COL20A1: variants seen among roughly 807,000 people sequenced by gnomAD.
COL20A1 encodes collagen type XX alpha 1 chain, also known as collagen alpha-1(XX) chain.
In COL20A1, 164 loss-of-function variants were observed where a neutral mutation model predicts 152.9. That is an observed-to-expected ratio of 1.07 (90% CI 0.94 to 1.22). The LOEUF (loss-of-function observed/expected upper bound fraction) is 1.22. Ranked by LOEUF, COL20A1 falls within the 50% of genes most tolerant of loss-of-function variation. The probability of loss-of-function intolerance (pLI) is 0.00; values close to 1 mark genes in which losing one functional copy is unlikely to be tolerated. For missense variants in COL20A1, 1,873 were observed against 1,744.8 expected (o/e 1.07, Z -1.31); for synonymous variants, 864 against 756.0 (o/e 1.14, Z -2.34).
chr20:63,331,651 T>C lies in COL20A1; in HGVS notation c.*935T>C, dbSNP rs1210793418. 3.9e-5 allele frequency: 6 copies of C among 152,078 alleles called. No individual in the cohort carries two copies. The highest frequency in any genetic ancestry group is 9.7e-5 in the African/African-American group (4 of 41,406). 9.4% of individuals were successfully genotyped at this position (152,078 alleles called of 1,614,324 possible). Reference sequence around the variant, plus strand: ...CTGGGCTTCTGGGCCTTGTGGCCCGTGGGGGTGATGTGGGAACTTCTACTT... The same window carrying C: ...CTGGGCTTCTGGGCCTTGTGGCCCGCGGGGGTGATGTGGGAACTTCTACTT... On this transcript the variant is annotated 3_prime_UTR_variant, in exon 36 of 36. Coordinates refer to ENST00000358894, the MANE Select transcript of COL20A1 (RefSeq NM_020882.4).
chr20:63,305,368 C>G lies in COL20A1; in HGVS notation c.194-49C>G. 2 of 1,390,034 alleles carry G rather than the reference C, an allele frequency of 1.4e-6. No homozygotes were observed. Among genetic ancestry groups the G allele is most frequent in the Non-Finnish European group, 1.9e-6 (2 of 1,067,590 alleles). The allele number at this position is 1,390,034 out of a possible 1,614,324, so 86.1% of individuals were successfully genotyped here. ...GTTTCACTCCCCGCCGTGACAGATGCACACACGTGTGCACCTTGGCCTCTA... is the reference window on the plus strand; with the variant it reads ...GTTTCACTCCCCGCCGTGACAGATGGACACACGTGTGCACCTTGGCCTCTA... On this transcript the variant is annotated intron_variant, in intron 3 of 35. Transcript: ENST00000358894. The surrounding 1 kb of genome is among the most constrained non-coding windows in gnomAD (Gnocchi z 4.9).
In COL20A1 at chr20:63,297,904, C is replaced by T; in HGVS notation, c.83-6C>T. Reference sequence around the variant, plus strand: ...CAGTCCTGACCACTATGTCCTGTTTCTGTAGCAAGCGGTCTCCTGAGGCTG... The same window carrying T: ...CAGTCCTGACCACTATGTCCTGTTTTTGTAGCAAGCGGTCTCCTGAGGCTG... On this transcript the variant is annotated splice_region_variant and splice_polypyrimidine_tract_variant and intron_variant, in intron 2 of 35. Transcript: ENST00000358894. The T allele has an allele frequency of 6.2e-7, 1 of 1,612,088 alleles. No individual in the cohort carries two copies. Among genetic ancestry groups the T allele is most frequent in the Non-Finnish European group, 8.5e-7 (1 of 1,178,842 alleles).
chr20:63,307,708 A>C, intron 6 of COL20A1, 60 bp downstream of exon 6: 2 of 1,556,268 alleles, frequency 1.3e-6, no homozygotes, highest in Non-Finnish European at 1.8e-6. Context: ...CAGCTCTGCC[A>C]GAGGAGGCTG....
At position 63,319,576 on chromosome 20, in the gene COL20A1, T is replaced by C; in HGVS notation, c.2896T>C (p.Phe966Leu). 1 of 1,586,434 alleles carries C rather than the reference T, an allele frequency of 6.3e-7. No homozygotes were observed. Among genetic ancestry groups the C allele is most frequent in the Non-Finnish European group, 8.6e-7 (1 of 1,167,020 alleles). Residue 966 changes from phenylalanine to leucine, a missense_variant, in exon 23 of 36, where the codon TTC becomes CTC. By Grantham distance (22) the Phe-to-Leu change is conservative (BLOSUM62 0). Transcript: ENST00000358894. This position sits in a 1 kb window ranked among gnomAD's most constrained non-coding sequence, Gnocchi z 4.4. ...TFDPQEVRKI[F>L]FGSFHKVHVA... is the part of the protein sequence containing the mutation. The stretch of plus-strand genomic sequence containing the variant: ...CGACCCGCAGGAAGTGAGGAAGATT[T>C]TCTTCGGGAGCTTCCACAAGGTCCT...
chr20:63,296,752 C>G (rs2067798942), intron 2 of COL20A1, among the ~76,000 whole-genome samples: 1 of 152,180 alleles, frequency 6.6e-6, no homozygotes, highest in African/African-American at 2.4e-5. Flanking sequence ...CCTCATCCCC[C>G]ACACATTCCT....
Position 63,312,965 on chromosome 20 carries a change from G to C in COL20A1, c.2076+31G>C. On this transcript the variant is annotated intron_variant, in intron 16 of 35. Coordinates refer to ENST00000358894, the MANE Select transcript of COL20A1 (RefSeq NM_020882.4). ...CAGGGGTGGGTTTGTCCTTCCGAGG[G>C]GCCCCCCGTGGGCCCCTAGTCCTGA... is the stretch of plus-strand genomic sequence containing the variant. 4 of 1,529,530 alleles carry C rather than the reference G, an allele frequency of 2.6e-6. No homozygotes were observed. In the South Asian group the frequency reaches 4.8e-5, roughly 18 times the overall value. 94.7% of individuals were successfully genotyped at this position (1,529,530 alleles called of 1,614,324 possible).
At chr20:63,307,927 T>C in intron 6 of COL20A1, 44 bp from the exon 7 acceptor site, 2 of 1,604,790 alleles carry the variant, frequency 1.2e-6, no homozygotes, top group South Asian at 2.2e-5. Flanking sequence ...CCTGGGCATC[T>C]CAGCATTGGA....
chr20:63,319,154 G>C lies in COL20A1; in HGVS notation c.2760G>C (p.Gln920His). 6.2e-7 allele frequency: 1 copy of C among 1,612,926 alleles called. No homozygotes were observed. The highest frequency in any genetic ancestry group is 8.5e-7 in the Non-Finnish European group (1 of 1,179,732). The change falls in exon 22 of 36, where the codon CAG becomes CAC. Residue 920 changes from glutamine to histidine, a missense_variant. Physicochemically the swap from Gln to His is conservative, Grantham distance 24. Transcript: ENST00000358894. The surrounding 1 kb of genome is among the most constrained non-coding windows in gnomAD (Gnocchi z 4.4). ...CCCGTGAGGCCTTCGCGCTGTGGCA[G>C]ATGACAGCCGAGGACTTCCAGCCCC... ...ETPREAFALW[Q>H]MTAEDFQPLL...
intron 26 of COL20A1, 76 bp from the exon 27 acceptor site, chr20:63,321,982 G>T: frequency 8.0e-7 from 1 of 1,252,866 alleles, no homozygotes; most frequent in Non-Finnish European, 1.1e-6. Flanking sequence ...CCAGGCATGG[G>T]GCTCAGGGGC....
intron 10 of COL20A1, 115 bp downstream of exon 10, chr20:63,310,030 A>G: frequency 4.8e-6 from 5 of 1,036,046 alleles, no homozygotes; most frequent in Non-Finnish European, 6.9e-6. Flanking sequence ...CAGGCTGAGA[A>G]GGGGGTGTCG....
At chr20:63,294,309 A>ATGCTC (rs925909633) in intron 1 of COL20A1, among the ~76,000 whole-genome samples, 7 of 151,012 alleles carry the variant, frequency 4.6e-5, no homozygotes, top group African/African-American at 1.5e-4. Context: ...GGCAGCTGAC[A>ATGCTC]TGCTCCCCAC....
rs898746673 is a variant in COL20A1 at position 63,309,463 on chromosome 20, G to T, written c.1071G>T (p.Gln357His). The T allele has an allele frequency of 2.0e-6, 3 of 1,537,112 alleles. No homozygotes were observed. In the African/African-American group the frequency reaches 4.1e-5, roughly 21 times the overall value. ...GCCTGCTCAGCCGTCTCATCTGCCA[G>T]AGGCTCCAGGGTGGGAGCCCGCGGC... ...LAGLLSRLICQRLQGGSPRQG... is the reference protein window; with the variant it reads ...LAGLLSRLICHRLQGGSPRQG... Residue 357 changes from glutamine to histidine, a missense_variant, in exon 9 of 36, where the codon CAG becomes CAT. Transcript: ENST00000358894.
Position 63,311,715 on chromosome 20 carries a change from G to A in COL20A1, c.1630G>A (p.Gly544Ser), listed in dbSNP as rs545591105. 3 of 1,601,828 alleles carry A rather than the reference G, an allele frequency of 1.9e-6. No individual in the cohort carries two copies. In the African/African-American group the frequency reaches 4.0e-5, roughly 21 times the overall value. ...GGTGCAGAGCCTGCGAGGCCCTGAG[G>A]GCAGCGAGGCCCGGGGCATCCGTGC... ...VSVQSLRGPE[G>S]SEARGIRART... Residue 544 changes from glycine to serine, a missense_variant, in exon 13 of 36, where the codon GGC becomes AGC. By Grantham distance (56) the Gly-to-Ser change is moderately conservative. Transcript: ENST00000358894. This position sits in a 1 kb window ranked among gnomAD's most constrained non-coding sequence, Gnocchi z 4.4.
chr20:63,310,761 T>C (rs1288527391), intron 11 of COL20A1, among the ~76,000 whole-genome samples: 1 of 152,142 alleles, frequency 6.6e-6, no homozygotes, highest in Non-Finnish European at 1.5e-5. Flanking sequence ...CCCATTATGC[T>C]GCTTGTCCAC....
rs369025538 is a variant in COL20A1 at position 63,295,134 on chromosome 20, C to T, written c.27C>T (p.Leu9=). Residue 9 remains leucine (L), a synonymous_variant, in exon 2 of 36, where the codon CTC becomes CTT. Transcript: ENST00000358894. MSSGDPAH[L]GLCLWLWLGA... ...TGAGCTCCGGAGACCCTGCACACCT[C>T]GGCCTCTGCCTCTGGCTGTGGCTGG... 10 of 1,553,396 alleles carry T rather than the reference C, an allele frequency of 6.4e-6. No individual in the cohort carries two copies. Among genetic ancestry groups the T allele is most frequent in the East Asian group, 4.9e-5 (2 of 41,152 alleles).
chr20:63,330,584 C>CA (rs2068320104), intron 35 of COL20A1, 136 bp from the exon 36 acceptor site: 1 of 152,350 alleles, frequency 6.6e-6, no homozygotes, highest in Non-Finnish European at 1.5e-5. Context: ...TCTGCCCACT[C>CA]ACGGCCCTGC....
At chr20:63,316,525 G>A (rs753054274) in intron 20 of COL20A1, 28 bp from the exon 21 acceptor site, 1 of 1,575,528 alleles carries the variant, frequency 6.3e-7, no homozygotes, top group Non-Finnish European at 8.6e-7. Flanking sequence ...GGGTCCCTCG[G>A]TGCCCCTTCC....
Position 63,313,168 on chromosome 20 carries a change from C to A in COL20A1, c.2128C>A (p.His710Asn). The stretch of plus-strand genomic sequence containing the variant: ...GGCCGTCCTGCCTGGCCTAGGGAGG[C>A]ACACAGAGTACGACGTCACCATCTT... ...GTAVLPGLGRHTEYDVTILAY... is the reference protein window; with the variant it reads ...GTAVLPGLGRNTEYDVTILAY... The change falls in exon 17 of 36, where the codon CAC (histidine) becomes AAC (asparagine). Residue 710 changes from histidine to asparagine, a missense_variant. Physicochemically the swap from His to Asn is moderately conservative, Grantham distance 68. Transcript: ENST00000358894. This position sits in a 1 kb window ranked among gnomAD's most constrained non-coding sequence, Gnocchi z 5.9. The A allele has an allele frequency of 6.2e-7, 1 of 1,612,432 alleles. No individual in the cohort carries two copies. The highest frequency in any genetic ancestry group is 8.5e-7 in the Non-Finnish European group (1 of 1,179,702).
chr20:63,301,278 G>T, intron 3 of COL20A1, among the ~76,000 whole-genome samples: 1 of 152,170 alleles, frequency 6.6e-6, no homozygotes, highest in Admixed American at 6.5e-5. Context: ...TGGCACCACT[G>T]CACTCCAGTC....
Sources: allele counts gnomAD v4.1 joint callset (sites outside exome capture counted in the v4.1 genomes callset), GRCh38; gene constraint gnomAD v4.1.1; non-coding constraint Gnocchi (gnomAD v3.1); transcripts MANE v1.5; gene names NCBI Gene and HGNC (gene_info 2026-07-23, HGNC 2026-07-21).